CCNYL1: variants seen among roughly 807,000 people sequenced by gnomAD.
CCNYL1 encodes the protein cyclin-Y-like protein 1.
Under a neutral mutation model 44.2 loss-of-function variants are expected in CCNYL1, and 16 were observed. The ratio of observed to expected loss-of-function variants is 0.36; its 90% CI spans 0.25 to 0.55. The LOEUF is 0.55. Ranked by LOEUF, CCNYL1 falls within the 20% of genes least tolerant of loss-of-function variation. The pLI is 0.85. For missense variants in CCNYL1, 348 were observed against 451.8 expected (o/e 0.77, Z 2.08); for synonymous variants, 159 against 163.2 (o/e 0.97, Z 0.20).
chr2:207,715,982 A>G (rs150439090), intron 1 of CCNYL1, among the ~76,000 whole-genome samples: 148 of 152,270 alleles, frequency 9.7e-4, no homozygotes, highest in African/African-American at 3.3e-3. Flanking sequence ...GGTCTCGTCA[A>G]GCTAAGAGAT....
chr2:207,741,841 G>A (rs1477773941), intron 6 of CCNYL1, among the ~76,000 whole-genome samples: 6 of 135,456 alleles, frequency 4.4e-5, no homozygotes, highest in African/African-American at 1.4e-4. Flanking sequence ...GCAAGACTGG[G>A]TCTCAAAAAA....
intron 1 of CCNYL1, among the ~76,000 whole-genome samples, chr2:207,721,734 G>GTTTTTTT (rs59024332): frequency 4.3e-5 from 6 of 141,150 alleles, no homozygotes; most frequent in Non-Finnish European, 4.7e-5. Flanking sequence ...GGAGTTTTTT[G>GTTTTTTT]TTTTTTTTTT....
chr2:207,712,723 C>T (rs1037813127), intron 1 of CCNYL1, among the ~76,000 whole-genome samples: 5 of 152,126 alleles, frequency 3.3e-5, no homozygotes, highest in South Asian at 2.1e-4. Context: ...TTTATTCCTT[C>T]CAACTATAAT....
Position 207,724,843 on chromosome 2 carries a change from C to T in CCNYL1, c.264C>T (p.Ser88=). The T allele has an allele frequency of 6.2e-7, 1 of 1,613,262 alleles. No homozygotes were observed. The highest frequency in any genetic ancestry group is 8.5e-7 in the Non-Finnish European group (1 of 1,179,700). ...ESNPSDHPRA[S]TIFLSKSQTD... is the part of the protein sequence containing the mutation. ...ACCCTTCTGACCATCCAAGGGCAAG[C>T]ACAATTTTCCTGAGCAAATCTCAAA... The change falls in exon 2 of 10, where the codon AGC becomes AGT. Residue 88 remains serine (S), a synonymous_variant. Coordinates refer to ENST00000295414, the MANE Select transcript of CCNYL1 (RefSeq NM_001330218.2).
At chr2:207,722,073 ATT>A (rs397987558) in intron 1 of CCNYL1, among the ~76,000 whole-genome samples, 10 of 119,424 alleles carry the variant, frequency 8.4e-5, no homozygotes, top group Non-Finnish European at 1.0e-4. Context: ...GTTGCCTTGG[ATT>A]TTTTTTTTTT....
intron 7 of CCNYL1, among the ~76,000 whole-genome samples, chr2:207,746,401 A>G (rs1217347738): frequency 2.0e-5 from 3 of 152,224 alleles, no homozygotes; most frequent in Non-Finnish European, 4.4e-5. Flanking sequence ...AGTATGATAC[A>G]TTGTACCTGG....
At chr2:207,716,681 T>A (rs1485214415) in intron 1 of CCNYL1, among the ~76,000 whole-genome samples, 20 of 152,248 alleles carry the variant, frequency 1.3e-4, no homozygotes, top group Non-Finnish European at 1.5e-5. Flanking sequence ...AGTAACATCA[T>A]ACACAGTCTC....
chr2:207,752,652 A>G (rs900441985), intron 9 of CCNYL1, among the ~76,000 whole-genome samples: 5 of 152,356 alleles, frequency 3.3e-5, no homozygotes, highest in Non-Finnish European at 7.3e-5. Context: ...CAGAATTACA[A>G]CTGAAATGGA....
At chr2:207,741,612 C>T (rs553049193) in intron 6 of CCNYL1, among the ~76,000 whole-genome samples, 1 of 152,018 alleles carries the variant, frequency 6.6e-6, no homozygotes, top group Non-Finnish European at 1.5e-5. Flanking sequence ...TTTGGGAGGC[C>T]GAGGTGGGCA....
At chr2:207,734,402 C>T (rs2091749903) in intron 4 of CCNYL1, among the ~76,000 whole-genome samples, 1 of 152,236 alleles carries the variant, frequency 6.6e-6, no homozygotes, top group Non-Finnish European at 1.5e-5. Flanking sequence ...TTACAGGTCT[C>T]AAACAATGTG....
At chr2:207,751,879 C>T (rs1435884226) in intron 9 of CCNYL1, among the ~76,000 whole-genome samples, 2 of 147,722 alleles carry the variant, frequency 1.4e-5, no homozygotes, top group Admixed American at 1.3e-4. Context: ...AAAGTACACA[C>T]ACACAAAAAT....
At position 207,711,937 on chromosome 2, in the gene CCNYL1, G is replaced by C. The variant is rs2091551418; in HGVS notation, c.41G>C (p.Ser14Thr). 6 of 1,399,496 alleles carry C rather than the reference G, an allele frequency of 4.3e-6. No homozygotes were observed. In the Admixed American group the frequency reaches 1.0e-4, roughly 24 times the overall value. 86.7% of individuals were successfully genotyped at this position (1,399,496 alleles called of 1,614,324 possible). A position where few individuals can be genotyped will look rare whatever the true frequency, so the allele number is the denominator to read the frequency against. The change falls in exon 1 of 10, where the codon AGC (serine) becomes ACC (threonine). Residue 14 changes from serine to threonine, a missense_variant. By Grantham distance (58) the Ser-to-Thr change is moderately conservative (BLOSUM62 1). Transcript: ENST00000295414. ...ACCTGTTGCGTGTCCCCCAATGCCA[G>C]CCCCAAGCTGGGCCGGCGCGCGGGG... The part of the protein sequence containing the change: ...TLTCCVSPNA[S>T]PKLGRRAGSA...
chr2:207,749,618 T>C (rs1453575933), intron 8 of CCNYL1, among the ~76,000 whole-genome samples: 3 of 152,228 alleles, frequency 2.0e-5, no homozygotes, highest in Non-Finnish European at 4.4e-5. Context: ...ACAGTTAAAA[T>C]GTATTAGTGG....
At chr2:207,715,784 C>T (rs978987243) in intron 1 of CCNYL1, among the ~76,000 whole-genome samples, 1 of 151,008 alleles carries the variant, frequency 6.6e-6, no homozygotes, top group African/African-American at 2.4e-5. Context: ...TCAAGCAGTT[C>T]TCCTGCTTCA....
At position 207,753,811 on chromosome 2, in the gene CCNYL1, A is replaced by G; in HGVS notation, c.*113A>G. 2 of 652,356 alleles carry G rather than the reference A, an allele frequency of 3.1e-6. No homozygotes were observed. Among genetic ancestry groups the G allele is most frequent in the Non-Finnish European group, 5.3e-6 (2 of 374,332 alleles). 40.4% of individuals were successfully genotyped at this position (652,356 alleles called of 1,614,324 possible). A position where few individuals can be genotyped will look rare whatever the true frequency, so the allele number is the denominator to read the frequency against. ...ATTAGTGTTTTCATCAAAAGGAAAG[A>G]TCTCAAATTCAAGAGACTCATGGAC... is the stretch of plus-strand genomic sequence containing the variant. On this transcript the variant is annotated 3_prime_UTR_variant, in exon 10 of 10. Transcript: ENST00000295414.
Position 207,724,840 on chromosome 2 carries a change from A to C in CCNYL1, c.261A>C (p.Ala87=), listed in dbSNP as rs2091668216. The change falls in exon 2 of 10, where the codon GCA becomes GCC. Residue 87 remains alanine, a synonymous_variant. Coordinates refer to ENST00000295414, the MANE Select transcript of CCNYL1 (RefSeq NM_001330218.2). ...CAAACCCTTCTGACCATCCAAGGGCAAGCACAATTTTCCTGAGCAAATCTC... is the reference window on the plus strand; with the variant it reads ...CAAACCCTTCTGACCATCCAAGGGCCAGCACAATTTTCCTGAGCAAATCTC... The part of the protein sequence containing the change: ...LESNPSDHPR[A]STIFLSKSQT... The C allele has an allele frequency of 1.2e-6, 2 of 1,613,488 alleles. No homozygotes were observed. The highest frequency in any genetic ancestry group is 1.7e-4 in the Middle Eastern group (1 of 6,060).
chr2:207,741,147 T>C (rs2551966), intron 6 of CCNYL1, among the ~76,000 whole-genome samples: 24,996 of 151,732 alleles, frequency 0.16, 3,500 homozygotes, highest in East Asian at 0.38. Flanking sequence ...CCCAGCTACT[T>C]GGGAGGCTGA....
rs550079517 is a variant in CCNYL1, at chr2:207,712,313, T to C, written c.220+197T>C. ...CTGGCCAGTTTCTTTTCCTCCTCCT[T>C]ACCGTAACGCCCAGTTCTTGCTCCC... On this transcript the variant is annotated intron_variant, in intron 1 of 9. Coordinates refer to ENST00000295414, the MANE Select transcript of CCNYL1 (RefSeq NM_001330218.2). 2.6e-5 allele frequency among the ~76,000 whole-genome samples: 4 copies of C among 152,286 alleles called. No homozygotes were observed. The East Asian group carries it at 5.8e-4, about 22-fold the overall frequency.
Position 207,753,923 on chromosome 2 carries a change from CA to C in CCNYL1, c.*230del. 1 of 380,728 alleles carries C rather than the reference CA, an allele frequency of 2.6e-6. No homozygotes were observed. The highest frequency in any genetic ancestry group is 4.7e-6 in the Non-Finnish European group (1 of 211,138). 23.6% of individuals were successfully genotyped at this position (380,728 alleles called of 1,614,324 possible). ...GTCCTTTTTAATGTAAACAGAGTTA[CA>C]AAAACCACTCCAAAGTGAAGGCTCC... On this transcript the variant is annotated 3_prime_UTR_variant, in exon 10 of 10. Coordinates refer to ENST00000295414, the MANE Select transcript of CCNYL1 (RefSeq NM_001330218.2).
Sources: allele counts gnomAD v4.1 joint callset (sites outside exome capture counted in the v4.1 genomes callset), GRCh38; gene constraint gnomAD v4.1.1; transcripts MANE v1.5; gene names NCBI Gene and HGNC (gene_info 2026-07-23, HGNC 2026-07-21).